Variants in GALNS observed in about 807,000 individuals in gnomAD.
GALNS encodes N-acetylgalactosamine-6-sulfatase.
GALNS carries 65 observed loss-of-function variants against 65.9 expected under a neutral mutation model. The ratio of observed to expected loss-of-function variants is 0.99; its 90% confidence interval spans 0.81 to 1.21. The LOEUF (loss-of-function observed/expected upper bound fraction) is 1.21. GALNS is among the 50% of genes most tolerant of loss of function. The pLI, the probability that GALNS is intolerant of heterozygous loss-of-function variation, is 0.00. For synonymous variants in GALNS, 346 were observed against 288.9 expected, an observed-to-expected ratio of 1.20 and a Z score of -2.00; for missense variants, 776 against 700.7, an observed-to-expected ratio of 1.11 and a Z score of -1.21.
rs2143005452 is a variant in GALNS, at chr16:88,842,705, C to A, written c.244+1G>T. On this transcript the variant is annotated splice_donor_variant, in intron 2 of 13. Coordinates refer to ENST00000268695, the MANE Select transcript of GALNS (RefSeq NM_000512.5). LOFTEE classifies it high-confidence loss of function. ...TGGGGGCGAGGGCCCCGCTGACTTACATGGCGAGCACAGAGGGTTGGCAGA... is the reference window on the plus strand; with the variant it reads ...TGGGGGCGAGGGCCCCGCTGACTTAAATGGCGAGCACAGAGGGTTGGCAGA... The A allele has an allele frequency of 6.2e-7, 1 of 1,612,596 alleles. No homozygotes were observed. Among genetic ancestry groups the A allele is most frequent in the Non-Finnish European group, 8.5e-7 (1 of 1,179,668 alleles).
At chr16:88,842,441 C>A in intron 2 of GALNS, 1 of 565,792 alleles carries the variant, frequency 1.8e-6, no homozygotes. Context: ...CAGGCGGCCA[C>A]AGCACTCGAC....
Position 88,837,814 on chromosome 16 carries a change from C to T in GALNS, c.423-49G>A, listed in dbSNP as rs544310034. On this transcript the variant is annotated intron_variant, in intron 4 of 13. Coordinates refer to ENST00000268695, the MANE Select transcript of GALNS (RefSeq NM_000512.5). ...TTCAGGGACCCCACGTGGGGACACT[C>T]GGAAGTTCTGAGCAGCAACAGATAC... The T allele has an allele frequency of 1.7e-5, 27 of 1,606,338 alleles. No homozygotes were observed. In the East Asian group the frequency reaches 2.0e-4, roughly 12 times the overall value.
chr16:88,836,142 T>C (rs986399263), intron 6 of GALNS, 59 bp downstream of exon 6: 107 of 1,460,284 alleles, frequency 7.3e-5, no homozygotes, highest in South Asian at 6.7e-4. Context: ...CAGGATGAGG[T>C]TGGTGCGGTC....
At chr16:88,818,206 C>T in intron 12 of GALNS, 82 bp from the exon 13 acceptor site, 1 of 1,124,792 alleles carries the variant, frequency 8.9e-7, no homozygotes, top group Non-Finnish European at 1.3e-6. Flanking sequence ...GCTGAGGCTG[C>T]AGAGCTCTAA....
At chr16:88,848,426 G>A (rs1330862351) in intron 1 of GALNS, among the ~76,000 whole-genome samples, 1 of 152,174 alleles carries the variant, frequency 6.6e-6, no homozygotes, top group Non-Finnish European at 1.5e-5. Context: ...GTGGTCAGGA[G>A]ATCGAGACCA....
chr16:88,853,794 G>C (rs1334488622), intron 1 of GALNS, among the ~76,000 whole-genome samples: 5 of 152,130 alleles, frequency 3.3e-5, no homozygotes, highest in African/African-American at 4.8e-5. Context: ...GCCAGGGCAG[G>C]GCAGCCCTGG....
Position 88,832,095 on chromosome 16 carries a change from C to T in GALNS, c.905G>A (p.Ser302Asn). The change falls in exon 9 of 14, where the codon AGC becomes AAC. Residue 302 changes from serine (S) to asparagine (N), a missense_variant. Coordinates refer to ENST00000268695, the MANE Select transcript of GALNS (RefSeq NM_000512.5). ...CTTCCCACACAGAAAGGGGCCGTTGCTGCCACCTGGGAGAGAGGGGCCCTT... is the reference window on the plus strand; with the variant it reads ...CTTCCCACACAGAAAGGGGCCGTTGTTGCCACCTGGGAGAGAGGGGCCCTT... ...ALISAPEQGG[S>N]NGPFLCGKQT... is the part of the protein sequence containing the mutation. 4.3e-6 allele frequency: 7 copies of T among 1,613,708 alleles called. No homozygotes were observed. Among genetic ancestry groups the T allele is most frequent in the Non-Finnish European group, 5.9e-6 (7 of 1,179,854 alleles).
At chr16:88,830,611 G>A (rs1347851026) in intron 9 of GALNS, among the ~76,000 whole-genome samples, 1 of 152,244 alleles carries the variant, frequency 6.6e-6, no homozygotes, top group Non-Finnish European at 1.5e-5. Context: ...AGCCCCGCGT[G>A]TTGATGGGTA....
chr16:88,818,476 C>T (rs1176413857), intron 12 of GALNS, among the ~76,000 whole-genome samples: 4 of 152,202 alleles, frequency 2.6e-5, no homozygotes, highest in Admixed American at 6.5e-5. Flanking sequence ...CTCACTACTA[C>T]GTAAACATTT....
At chr16:88,825,567 A>G (rs2161730) in intron 10 of GALNS, among the ~76,000 whole-genome samples, 12 of 47,944 alleles carry the variant, frequency 2.5e-4, no homozygotes, top group Admixed American at 5.0e-4. Context: ...CGGGACTGGG[A>G]TTCCTGGGCA....
intron 9 of GALNS, among the ~76,000 whole-genome samples, chr16:88,830,367 C>T (rs74685815): frequency 0.014 from 2,193 of 151,578 alleles, 33 homozygotes; most frequent in Non-Finnish European, 0.024. Flanking sequence ...AGGCAGGGAA[C>T]AGAACATCTC....
chr16:88,836,308 C>T (rs1010957489), intron 5 of GALNS, 41 bp from the exon 6 acceptor site: 1 of 1,501,956 alleles, frequency 6.7e-7, no homozygotes, highest in African/African-American at 1.4e-5. Flanking sequence ...AGAATTTAGG[C>T]CAAGAAAGTC....
rs3743546 is a variant in GALNS, at chr16:88,827,008, A to G, written c.1003-170T>C. 261,471 of 775,818 alleles carry G rather than the reference A, an allele frequency of 0.34. 47,658 individuals carry two copies. The highest frequency in any genetic ancestry group is 0.69 in the East Asian group (25,650 of 37,044). The allele number at this position is 775,818 out of a possible 1,614,324, so 48.1% of individuals were successfully genotyped here. ...AGCGGGGTCACAAGGCCTGTGAGAG[A>G]CAGAGGAGCCTCAAACCAGGCCCAA... On this transcript the variant is annotated intron_variant, in intron 9 of 13. Transcript: ENST00000268695.
intron 10 of GALNS, among the ~76,000 whole-genome samples, chr16:88,825,719 C>T (rs557012229): frequency 1.3e-5 from 2 of 152,120 alleles, no homozygotes; most frequent in South Asian, 2.1e-4. Flanking sequence ...GCAGGCGGCA[C>T]GGGGTCTCCT....
chr16:88,835,702 T>G, intron 7 of GALNS, 23 bp downstream of exon 7: 1 of 1,613,744 alleles, frequency 6.2e-7, no homozygotes, highest in South Asian at 1.1e-5. Flanking sequence ...GCGAGGTCTA[T>G]GCTCCATGGA....
intron 13 of GALNS, chr16:88,815,160 G>A: frequency 1.0e-6 from 1 of 985,496 alleles, no homozygotes. Flanking sequence ...TGGGAACTTG[G>A]GAGATGGCAC....
Position 88,834,641 on chromosome 16 carries a change from C to G in GALNS, c.898+572G>C, listed in dbSNP as rs797020638. 3.8e-5 allele frequency among the ~76,000 whole-genome samples: 5 copies of G among 130,380 alleles called. 1 individual carries two copies. Among genetic ancestry groups the G allele is most frequent in the Admixed American group, 7.6e-5 (1 of 13,108 alleles). 85.5% of individuals were successfully genotyped at this position (130,380 alleles called of 152,430 possible). ...CTGGGAAGAGGCTGCAGGGCCCCCC[C>G]CCGCGTGGTCTGGGAAGAGGCGGGT... is the stretch of plus-strand genomic sequence containing the variant. On this transcript the variant is annotated intron_variant, in intron 8 of 13. Transcript: ENST00000268695.
At position 88,842,688 on chromosome 16, in the gene GALNS, AG is replaced by A; in HGVS notation, c.244+17del. 6.2e-7 allele frequency: 1 copy of A among 1,611,638 alleles called. No homozygotes were observed. The highest frequency in any genetic ancestry group is 8.5e-7 in the Non-Finnish European group (1 of 1,179,364). On this transcript the variant is annotated intron_variant, in intron 2 of 13. Transcript: ENST00000268695. ...TTGGGCTCACCCCTTCCTGGGGGCG[AG>A]GGCCCCGCTGACTTACATGGCGAGC...
chr16:88,840,681 G>T, intron 4 of GALNS: 1 of 436,134 alleles, frequency 2.3e-6, no homozygotes, highest in African/African-American at 2.0e-5. Flanking sequence ...GACGTGGCAG[G>T]AGGCAGCCGG....
Sources: allele counts gnomAD v4.1 joint callset (sites outside exome capture counted in the v4.1 genomes callset), GRCh38; gene constraint gnomAD v4.1.1; transcripts MANE v1.5; gene names NCBI Gene and HGNC (gene_info 2026-07-23, HGNC 2026-07-21).